Variants in MPRIP observed in about 807,000 individuals in gnomAD.
The protein encoded by MPRIP is myosin phosphatase Rho-interacting protein.
MPRIP carries 59 observed loss-of-function variants against 234.9 expected under a neutral mutation model. The ratio of observed to expected loss-of-function variants is 0.25; its 90% CI spans 0.20 to 0.31. MPRIP has a LOEUF of 0.31. Ranked by LOEUF, MPRIP falls within the 10% of genes least tolerant of loss-of-function variation. The pLI is 1.00. For synonymous variants in MPRIP, 1,144 were observed against 1,263.9 expected, an observed-to-expected ratio of 0.91 and a Z score of 2.01; for missense variants, 2,436 against 3,071.0, an observed-to-expected ratio of 0.79 and a Z score of 4.89.
chr17:17,075,900 G>C, intron 2 of MPRIP, 113 bp downstream of exon 2: 1 of 960,558 alleles, frequency 1.0e-6, no homozygotes. Context: ...TCCTGGGATA[G>C]CAGGACCAGC....
chr17:17,063,262 T>C (rs11658084), intron 1 of MPRIP, among the ~76,000 whole-genome samples: 12,572 of 152,262 alleles, frequency 0.083, 735 homozygotes, highest in East Asian at 0.17. Context: ...TAAGTGTACC[T>C]GTAGACTTGT....
intron 1 of MPRIP, among the ~76,000 whole-genome samples, chr17:17,045,006 C>G (rs2143800700): frequency 6.6e-6 from 1 of 152,286 alleles, no homozygotes; most frequent in Non-Finnish European, 1.5e-5. Flanking sequence ...TTGCCAACAG[C>G]CTTCTCTGCT....
chr17:17,084,917 T>G (rs1234176951), intron 3 of MPRIP, among the ~76,000 whole-genome samples: 3 of 152,212 alleles, frequency 2.0e-5, no homozygotes, highest in African/African-American at 7.2e-5. Flanking sequence ...CCTGTAACTG[T>G]CTGAGAGGCA....
At chr17:17,147,888 A>G (rs2045513007) in intron 11 of MPRIP, among the ~76,000 whole-genome samples, 1 of 152,202 alleles carries the variant, frequency 6.6e-6, no homozygotes, top group Non-Finnish European at 1.5e-5. Flanking sequence ...TCAAGGACCA[A>G]ATAGAAGGGG....
In MPRIP at chr17:17,078,004, G is replaced by A. The variant is rs143044060; in HGVS notation, c.202-7G>A. On this transcript the variant is annotated splice_polypyrimidine_tract_variant and splice_region_variant and intron_variant, in intron 2 of 23. Coordinates refer to ENST00000651222, the MANE Select transcript of MPRIP (RefSeq NM_001364716.4). The surrounding 1 kb of genome is among the most constrained non-coding windows in gnomAD (Gnocchi z 4.3). The stretch of plus-strand genomic sequence containing the variant: ...CTCCTAACCACCCACCTTGTGCTCC[G>A]TTGCAGAAATGGCAGCGACGGTTCT... The A allele has an allele frequency of 3.3e-4, 525 of 1,614,050 alleles. No individual in the cohort carries two copies. The highest frequency in any genetic ancestry group is 6.3e-4 in the Admixed American group (38 of 60,020).
chr17:17,079,375 A>G (rs2089410417), intron 3 of MPRIP, among the ~76,000 whole-genome samples: 1 of 152,204 alleles, frequency 6.6e-6, no homozygotes, highest in African/African-American at 2.4e-5. Context: ...ACTGGAGGTG[A>G]GCACCGATTG....
At chr17:17,114,488 A>G (rs759091202) in intron 3 of MPRIP, among the ~76,000 whole-genome samples, 1 of 152,080 alleles carries the variant, frequency 6.6e-6, no homozygotes, top group African/African-American at 2.4e-5. Flanking sequence ...TGGTTGCTAA[A>G]TCCAGTGTTA....
intron 16 of MPRIP, chr17:17,168,742 A>C: frequency 2.4e-6 from 1 of 410,122 alleles, no homozygotes; most frequent in Non-Finnish European, 4.9e-6. Context: ...TGTTCCTTCC[A>C]CTCAGGAAGC....
At position 17,167,856 on chromosome 17, in the gene MPRIP, C is replaced by T. The variant is rs1567770899; in HGVS notation, c.6265C>T (p.Leu2089=). Residue 2089 remains leucine, a synonymous_variant, in exon 16 of 24, where the codon CTG becomes TTG. Coordinates refer to ENST00000651222, the MANE Select transcript of MPRIP (RefSeq NM_001364716.4). The surrounding 1 kb of genome is among the most constrained non-coding windows in gnomAD (Gnocchi z 5.9). The stretch of plus-strand genomic sequence containing the variant: ...GCGGGAGGAGCTGGGACACAAGGAC[C>T]TGGAGGGCGACGCGGCCACACTGCG... The part of the protein sequence containing the change: ...VMREELGHKD[L]EGDAATLREK... 3 of 1,304,124 alleles carry T rather than the reference C, an allele frequency of 2.3e-6. No homozygotes were observed. The highest frequency in any genetic ancestry group is 1.0e-6 in the Non-Finnish European group (1 of 988,974). The allele number at this position is 1,304,124 out of a possible 1,614,324, so 80.8% of individuals were successfully genotyped here. A position where few individuals can be genotyped will look rare whatever the true frequency, so the allele number is the denominator to read the frequency against.
chr17:17,119,715 G>A (rs2090352435), intron 3 of MPRIP, among the ~76,000 whole-genome samples: 1 of 152,220 alleles, frequency 6.6e-6, no homozygotes, highest in African/African-American at 2.4e-5. Flanking sequence ...CGAGCTGCCT[G>A]TCCCTGCCAG....
At chr17:17,061,355 G>T (rs2088861886) in intron 1 of MPRIP, among the ~76,000 whole-genome samples, 1 of 152,208 alleles carries the variant, frequency 6.6e-6, no homozygotes, top group African/African-American at 2.4e-5. Context: ...TTTCTCTTTG[G>T]AATTGAAATG....
intron 3 of MPRIP, among the ~76,000 whole-genome samples, chr17:17,114,340 A>G (rs2090237589): frequency 6.8e-6 from 1 of 147,998 alleles, no homozygotes; most frequent in Non-Finnish European, 1.5e-5. Context: ...ATGATTTGCA[A>G]GTATTCCCTT....
intron 9 of MPRIP, among the ~76,000 whole-genome samples, chr17:17,145,526 C>T (rs1253149911): frequency 6.6e-6 from 1 of 152,244 alleles, no homozygotes; most frequent in Non-Finnish European, 1.5e-5. Flanking sequence ...CAGGTCAAGC[C>T]TATTCCTGGT....
chr17:17,091,885 A>C (rs1200494477), intron 3 of MPRIP, among the ~76,000 whole-genome samples: 1 of 152,222 alleles, frequency 6.6e-6, no homozygotes, highest in African/African-American at 2.4e-5. Flanking sequence ...AGATTAGGAA[A>C]ACAGCCCCAC....
At position 17,187,340 on chromosome 17, in the gene MPRIP, A is replaced by C. The variant is rs1276234615; in HGVS notation, c.*2446A>C. 1 of 152,212 alleles carries C rather than the reference A, an allele frequency of 6.6e-6. No individual in the cohort carries two copies. The highest frequency in any genetic ancestry group is 1.5e-5 in the Non-Finnish European group (1 of 68,060). 9.4% of individuals were successfully genotyped at this position (152,212 alleles called of 1,614,324 possible). A position where few individuals can be genotyped will look rare whatever the true frequency, so the allele number is the denominator to read the frequency against. ...CTCCCTGCCACAGGTCTCTCCCCAG[A>C]GGCTGGTTTAGTGTAGGGTATTGCC... On this transcript the variant is annotated 3_prime_UTR_variant, in exon 24 of 24. Transcript: ENST00000651222.
chr17:17,162,717 C>T (rs1022052296), intron 15 of MPRIP, among the ~76,000 whole-genome samples: 6 of 152,084 alleles, frequency 3.9e-5, no homozygotes, highest in Non-Finnish European at 5.9e-5. Flanking sequence ...ATCCCAAATT[C>T]GAAAATCTGA....
At chr17:17,129,043 A>G (rs901385520) in intron 4 of MPRIP, among the ~76,000 whole-genome samples, 4 of 152,138 alleles carry the variant, frequency 2.6e-5, no homozygotes, top group Non-Finnish European at 5.9e-5. Context: ...AGTCCCACCC[A>G]GTCTTCTTCC....
At chr17:17,089,441 T>C (rs1432787393) in intron 3 of MPRIP, among the ~76,000 whole-genome samples, 1 of 152,202 alleles carries the variant, frequency 6.6e-6, no homozygotes, top group Non-Finnish European at 1.5e-5. Context: ...GCCTCCCTCT[T>C]AGATCAGAAT....
Position 17,154,340 on chromosome 17 carries a change from C to T in MPRIP, c.1754C>T (p.Thr585Ile). Residue 585 changes from threonine to isoleucine, a missense_variant, in exon 13 of 24, where the codon ACA becomes ATA. Physicochemically the swap from Thr to Ile is moderately conservative, Grantham distance 89. Transcript: ENST00000651222. ...GGCGAGTTTACCCTGTCGGCCATGA[C>T]ATCTGGGATTCGGCGGAACTGGATC... ...KEGEFTLSAM[T>I]SGIRRNWIQT... is the part of the protein sequence containing the mutation. 6.2e-7 allele frequency: 1 copy of T among 1,614,194 alleles called. No homozygotes were observed. Among genetic ancestry groups the T allele is most frequent in the Non-Finnish European group, 8.5e-7 (1 of 1,180,030 alleles).
Sources: gnomAD v4.1 joint callset for allele counts (sites outside exome capture counted in the v4.1 genomes callset) on GRCh38, gnomAD v4.1.1 for gene constraint, Gnocchi (gnomAD v3.1) non-coding constraint, MANE v1.5 for transcripts, NCBI Gene and HGNC (gene_info 2026-07-23, HGNC 2026-07-21) for gene names.